The following AP4S1 variants were observed in gnomAD, a reference collection of about 807,000 sequenced individuals.
AP4S1 encodes AP-4 complex subunit sigma-1.
Under a neutral mutation model 19.8 loss-of-function variants are expected in AP4S1, and 23 were observed. That is an observed-to-expected ratio of 1.16 (90% confidence interval 0.84 to 1.65). The LOEUF is 1.65. Ranked by LOEUF, AP4S1 falls within the 40% of genes most tolerant of loss-of-function variation. The pLI is 0.00. For missense variants in AP4S1, 166 were observed against 172.8 expected (o/e 0.96, Z 0.22); for synonymous variants, 46 against 54.1 (o/e 0.85, Z 0.66).
chr14:31,025,827 G>A, intron 1 of AP4S1, 40 bp downstream of exon 1: 1 of 1,534,686 alleles, frequency 6.5e-7, no homozygotes, highest in Non-Finnish European at 8.7e-7. Flanking sequence ...GGCTCCGGCT[G>A]AGTGGAGTCC....
At chr14:31,088,534 G>A (rs184466646) in intron 5 of AP4S1, among the ~76,000 whole-genome samples, 8 of 152,232 alleles carry the variant, frequency 5.3e-5, no homozygotes, top group Admixed American at 2.0e-4. Flanking sequence ...ACAGCCAGGC[G>A]CGGTGGCTCA....
In AP4S1 at chr14:31,025,683, G is replaced by T; in HGVS notation, c.-176G>T. 1 of 693,266 alleles carries T rather than the reference G, an allele frequency of 1.4e-6. No individual in the cohort carries two copies. The highest frequency in any genetic ancestry group is 2.3e-6 in the Non-Finnish European group (1 of 434,792). 42.9% of individuals were successfully genotyped at this position (693,266 alleles called of 1,614,324 possible). A position where few individuals can be genotyped will look rare whatever the true frequency, so the allele number is the denominator to read the frequency against. ...CAAAATGGCTGCCCCGAGGAGGCCC[G>T]CACCGCGTAGCCAGTGAAGGTTGGG... On this transcript the variant is annotated 5_prime_UTR_variant, in exon 1 of 6. Coordinates refer to ENST00000542754, the MANE Select transcript of AP4S1 (RefSeq NM_001128126.3).
chr14:31,068,185 A>C (rs774881458), intron 2 of AP4S1, among the ~76,000 whole-genome samples: 27 of 152,224 alleles, frequency 1.8e-4, no homozygotes, highest in Non-Finnish European at 3.1e-4. Context: ...CAAAATTTTT[A>C]TGAAGAATTT....
intron 1 of AP4S1, among the ~76,000 whole-genome samples, chr14:31,056,252 G>A (rs1886108805): frequency 6.6e-6 from 1 of 152,004 alleles, no homozygotes; most frequent in Non-Finnish European, 1.5e-5. Context: ...TCACAGGCAT[G>A]ATCATAGTGT....
At chr14:31,047,895 T>C (rs928236024) in intron 1 of AP4S1, among the ~76,000 whole-genome samples, 1 of 152,288 alleles carries the variant, frequency 6.6e-6, no homozygotes, top group South Asian at 2.1e-4. Context: ...CAGACTGTTC[T>C]TGAACTCCTG....
chr14:31,051,343 T>A (rs1466875877), intron 1 of AP4S1, among the ~76,000 whole-genome samples: 1 of 151,988 alleles, frequency 6.6e-6, no homozygotes, highest in African/African-American at 2.4e-5. Context: ...GCACAAAACT[T>A]CATCATGCTA....
chr14:31,040,502 C>T (rs942202668), intron 1 of AP4S1, among the ~76,000 whole-genome samples: 7 of 152,104 alleles, frequency 4.6e-5, no homozygotes, highest in Non-Finnish European at 1.0e-4. Flanking sequence ...ACATTGCACT[C>T]GACCTTAAGA....
intron 1 of AP4S1, among the ~76,000 whole-genome samples, chr14:31,056,208 T>C (rs573931711): frequency 6.6e-6 from 1 of 151,076 alleles, no homozygotes; most frequent in African/African-American, 2.4e-5. Context: ...GACGAGGTCT[T>C]GCTCTGTTGC....
At chr14:31,084,967 G>C (rs531600804) in intron 5 of AP4S1, 1 of 1,594,388 alleles carries the variant, frequency 6.3e-7, no homozygotes, top group African/African-American at 1.3e-5. Flanking sequence ...TGCTCTACGC[G>C]TGAAGGTACA....
intron 4 of AP4S1, among the ~76,000 whole-genome samples, chr14:31,078,759 T>C (rs961186450): frequency 2.0e-5 from 3 of 152,134 alleles, no homozygotes; most frequent in African/African-American, 7.2e-5. Flanking sequence ...GATTAGAATT[T>C]AATTTCAGCC....
intron 5 of AP4S1, among the ~76,000 whole-genome samples, chr14:31,091,530 T>C (rs954444734): frequency 3.3e-5 from 5 of 152,080 alleles, no homozygotes; most frequent in African/African-American, 1.2e-4. Flanking sequence ...TAACGCTTTT[T>C]TTTTTTTTTC....
chr14:31,027,603 A>G (rs925273804), intron 1 of AP4S1, among the ~76,000 whole-genome samples: 1 of 152,226 alleles, frequency 6.6e-6, no homozygotes, highest in Non-Finnish European at 1.5e-5. Context: ...CTGAGGTTGC[A>G]GAGAGCCGAG....
intron 4 of AP4S1, among the ~76,000 whole-genome samples, chr14:31,075,995 C>T (rs1021318092): frequency 6.6e-6 from 1 of 152,164 alleles, no homozygotes; most frequent in African/African-American, 2.4e-5. Flanking sequence ...CTCGGCCTCC[C>T]AAAGTGCTGG....
chr14:31,040,648 T>G (rs1456413148), intron 1 of AP4S1, among the ~76,000 whole-genome samples: 3 of 152,186 alleles, frequency 2.0e-5, no homozygotes, highest in South Asian at 2.1e-4. Flanking sequence ...TTTCCTTTTG[T>G]TATTGTATTT....
At chr14:31,049,474 T>TACACACACACACACAC (rs1165169644) in intron 1 of AP4S1, among the ~76,000 whole-genome samples, 1,481 of 57,114 alleles carry the variant, frequency 0.026, 53 homozygotes, top group South Asian at 0.064. Context: ...TATATATATG[T>TACACACACACACACAC]ACACACACAC....
intron 1 of AP4S1, among the ~76,000 whole-genome samples, chr14:31,053,663 T>C (rs946023018): frequency 7.4e-6 from 1 of 135,716 alleles, no homozygotes; most frequent in African/African-American, 2.8e-5. Context: ...CTTAAACTTC[T>C]GGCCTCAAGT....
At chr14:31,046,710 G>T (rs192096460) in intron 1 of AP4S1, among the ~76,000 whole-genome samples, 15 of 152,200 alleles carry the variant, frequency 9.9e-5, no homozygotes, top group East Asian at 9.7e-4. Context: ...GCCGGGCATG[G>T]TGGTGGGCAC....
chr14:31,063,901 T>C lies in AP4S1; in HGVS notation c.-71-2225T>C, dbSNP rs116900256. Among the ~76,000 whole-genome samples, 141 of 152,346 alleles carry C rather than the reference T, an allele frequency of 9.3e-4. No homozygotes were observed. In the East Asian group the frequency reaches 0.017, roughly 19 times the overall value. On this transcript the variant is annotated intron_variant, in intron 1 of 5. Coordinates refer to ENST00000542754, the MANE Select transcript of AP4S1 (RefSeq NM_001128126.3). Reference sequence around the variant, plus strand: ...AAAATTTCAAATGTTAAAGTTCATTTAAGAACTATTACTCATCTTAGTTTT... The same window carrying C: ...AAAATTTCAAATGTTAAAGTTCATTCAAGAACTATTACTCATCTTAGTTTT...
chr14:31,085,247 T>C (rs1887869107), intron 5 of AP4S1: 1 of 1,033,570 alleles, frequency 9.7e-7, no homozygotes, highest in Non-Finnish European at 1.2e-6. Context: ...TCCCTAGATA[T>C]CCCAGAACCT....
Sources: allele counts gnomAD v4.1 joint callset (sites outside exome capture counted in the v4.1 genomes callset), GRCh38; gene constraint gnomAD v4.1.1; transcripts MANE v1.5; gene names NCBI Gene and HGNC (gene_info 2026-07-23, HGNC 2026-07-21).